Variants in TRIM29 observed in about 807,000 individuals in gnomAD.
TRIM29 encodes the protein tripartite motif containing 29.
In TRIM29, 52 loss-of-function variants were observed where a neutral mutation model predicts 57.3. The ratio of observed to expected loss-of-function variants is 0.91; its 90% CI spans 0.73 to 1.14. TRIM29 has a LOEUF of 1.14. Ranked by LOEUF, TRIM29 falls within the 50% of genes most tolerant of loss-of-function variation. The probability of loss-of-function intolerance (pLI) is 0.00; values close to 1 mark genes in which losing one functional copy is unlikely to be tolerated. For synonymous variants in TRIM29, 319 were observed against 316.9 expected (o/e 1.01, Z -0.07); for missense variants, 753 against 774.6 (o/e 0.97, Z 0.33).
intron 8 of TRIM29, among the ~76,000 whole-genome samples, chr11:120,114,126 C>T (rs1863207196): frequency 6.6e-6 from 1 of 152,152 alleles, no homozygotes; most frequent in Admixed American, 6.5e-5. Context: ...CAGCCCAGCG[C>T]CTGTCTCCAC....
chr11:120,131,021 TG>T (rs1863712333), intron 1 of TRIM29, among the ~76,000 whole-genome samples: 1 of 152,076 alleles, frequency 6.6e-6, no homozygotes. Context: ...GCGTAGCTCA[TG>T]GATAATTGAA....
At chr11:120,116,227 T>C (rs1346115022) in intron 7 of TRIM29, 5 of 152,228 alleles carry the variant, frequency 3.3e-5, no homozygotes, top group Non-Finnish European at 7.3e-5. Context: ...GATGCTAGTC[T>C]AAGACGGGGC....
intron 5 of TRIM29, among the ~76,000 whole-genome samples, chr11:120,122,499 C>A (rs560645618): frequency 6.6e-6 from 1 of 152,134 alleles, no homozygotes; most frequent in Non-Finnish European, 1.5e-5. Flanking sequence ...AGAGGAGGGA[C>A]CACTCTCCCT....
chr11:120,116,256 C>T (rs1591317693), intron 7 of TRIM29: 1 of 152,316 alleles, frequency 6.6e-6, no homozygotes, highest in East Asian at 1.9e-4. Flanking sequence ...CTCCCTGCGC[C>T]TCAGCCCAGA....
chr11:120,113,125 G>A (rs896659814), intron 8 of TRIM29, among the ~76,000 whole-genome samples: 1 of 152,006 alleles, frequency 6.6e-6, no homozygotes, highest in African/African-American at 2.4e-5. Context: ...TTACAGAAAG[G>A]GTGCAGAGAG....
At position 120,125,821 on chromosome 11, in the gene TRIM29, C is replaced by G. The variant is rs1054228256; in HGVS notation, c.1203G>C (p.Glu401Asp). The G allele has an allele frequency of 1.9e-6, 3 of 1,614,200 alleles. No individual in the cohort carries two copies. Among genetic ancestry groups the G allele is most frequent in the South Asian group, 2.2e-5 (2 of 91,072 alleles). The change falls in exon 4 of 9, where the codon GAG becomes GAC. Residue 401 changes from glutamate to aspartate, a missense_variant. Physicochemically the swap from Glu to Asp is conservative, Grantham distance 45. Transcript: ENST00000341846. ...CTAGTGACTGTCCCAGGCCCTCCCCCTCCAGCAGGACATGATAGGTGGGCA... is the reference window on the plus strand; with the variant it reads ...CTAGTGACTGTCCCAGGCCCTCCCCGTCCAGCAGGACATGATAGGTGGGCA... ...PPLPTYHVLL[E>D]GEGLGQSLGN... is the part of the protein sequence containing the mutation.
chr11:120,122,115 TC>T (rs1863464355), intron 5 of TRIM29: 5 of 365,994 alleles, frequency 1.4e-5, no homozygotes, highest in Non-Finnish European at 2.8e-5. Context: ...CCCAAGCCTC[TC>T]CCATTGTGTG....
intron 4 of TRIM29, chr11:120,123,536 A>T: frequency 4.5e-6 from 2 of 441,654 alleles, no homozygotes; most frequent in South Asian, 3.3e-5. Flanking sequence ...CTGGCAGCCT[A>T]AGGTGAGGGG....
intron 6 of TRIM29, 64 bp from the exon 7 acceptor site, chr11:120,118,385 G>C: frequency 2.3e-6 from 3 of 1,321,838 alleles, no homozygotes; most frequent in South Asian, 1.4e-5. Flanking sequence ...GGCAGGACCA[G>C]GACACAGCCA....
chr11:120,120,622 G>A lies in TRIM29; in HGVS notation c.1479C>T (p.Phe493=), dbSNP rs1235121725. The A allele has an allele frequency of 9.9e-6, 16 of 1,613,752 alleles. No individual in the cohort carries two copies. Among genetic ancestry groups the A allele is most frequent in the Admixed American group, 3.3e-5 (2 of 59,972 alleles). Residue 493 remains phenylalanine (F), a synonymous_variant, in exon 6 of 9, where the codon TTC becomes TTT. Transcript: ENST00000341846. ...TSYQPSSPGR[F]TKETTQKNFN... is the part of the protein sequence containing the mutation. ...AATTCTTCTGGGTGGTCTCCTTGGT[G>A]AAGCGGCCAGGAGACGAGGGCTGGT...
At chr11:120,128,847 G>T in intron 1 of TRIM29, 2 of 1,501,498 alleles carry the variant, frequency 1.3e-6, no homozygotes, top group Admixed American at 2.0e-5. Context: ...GTGGACCTGG[G>T]GACAATGGGA....
chr11:120,123,278 T>C, intron 4 of TRIM29: 1 of 686,786 alleles, frequency 1.5e-6, no homozygotes, highest in Non-Finnish European at 2.7e-6. Context: ...ATCCACCCTC[T>C]TGAACTAAGC....
chr11:120,126,618 G>A lies in TRIM29; in HGVS notation c.1134+718C>T, dbSNP rs186910186. On this transcript the variant is annotated intron_variant, in intron 3 of 8. Transcript: ENST00000341846. ...CTTCTCATTTCCCTTACTCCTCACC[G>A]AAGACTCTGTCCTCCCTCTCAAATC... 3.8e-3 allele frequency among the ~76,000 whole-genome samples: 573 copies of A among 152,040 alleles called. 2 individuals are homozygous for A. The highest frequency in any genetic ancestry group is 6.9e-3 in the Non-Finnish European group (466 of 67,976).
rs12224041 is a variant in TRIM29 at position 120,128,567 on chromosome 11, G to A, written c.805-72C>T. On this transcript the variant is annotated intron_variant, in intron 1 of 8. Transcript: ENST00000341846. ...AAGAGAACCAGAGAACCAGGGAGCGGCTCCACTCAGGGGGCACACTCGCAG... is the reference window on the plus strand; with the variant it reads ...AAGAGAACCAGAGAACCAGGGAGCGACTCCACTCAGGGGGCACACTCGCAG... The A allele has an allele frequency of 0.013, 19,546 of 1,533,508 alleles. 892 individuals carry two copies. In the East Asian group the frequency reaches 0.16, roughly 12 times the overall value. The allele number at this position is 1,533,508 out of a possible 1,614,324, so 95.0% of individuals were successfully genotyped here.
intron 5 of TRIM29, 24 bp downstream of exon 5, chr11:120,122,930 C>T: frequency 6.2e-7 from 1 of 1,607,558 alleles, no homozygotes; most frequent in Non-Finnish European, 8.5e-7. Flanking sequence ...GACACTAGGT[C>T]TGGGGTGAGG....
At position 120,137,617 on chromosome 11, in the gene TRIM29, T is replaced by G. The variant is rs781176832; in HGVS notation, c.415A>C (p.Thr139Pro). 6.2e-7 allele frequency: 1 copy of G among 1,613,492 alleles called. No homozygotes were observed. Among genetic ancestry groups the G allele is most frequent in the South Asian group, 1.1e-5 (1 of 91,054 alleles). ...TCCCCGGGCTCCATGATGGACACCGTGGGCTTCCGGGACTCCGAGAAAATG... is the reference window on the plus strand; with the variant it reads ...TCCCCGGGCTCCATGATGGACACCGGGGGCTTCCGGGACTCCGAGAAAATG... ...KSIFSESRKP[T>P]VSIMEPGETR... The change falls in exon 1 of 9, where the codon ACG becomes CCG. Residue 139 changes from threonine (T) to proline (P), a missense_variant. Physicochemically the swap from Thr to Pro is conservative, Grantham distance 38. Coordinates refer to ENST00000341846, the MANE Select transcript of TRIM29 (RefSeq NM_012101.4). This position sits in a 1 kb window ranked among gnomAD's most constrained non-coding sequence, Gnocchi z 6.2.
intron 1 of TRIM29, among the ~76,000 whole-genome samples, chr11:120,130,795 T>C (rs2135024298): frequency 6.6e-6 from 1 of 152,256 alleles, no homozygotes; most frequent in Non-Finnish European, 1.5e-5. Flanking sequence ...GAGCAGTGTG[T>C]GCAGCATGGT....
rs568801594 is a variant in TRIM29, at chr11:120,125,988, C to T, written c.1135-99G>A. 27 of 1,188,412 alleles carry T rather than the reference C, an allele frequency of 2.3e-5. No homozygotes were observed. The Admixed American group carries it at 3.3e-4, about 15-fold the overall frequency. 73.6% of individuals were successfully genotyped at this position (1,188,412 alleles called of 1,614,324 possible). On this transcript the variant is annotated intron_variant, in intron 3 of 8. Coordinates refer to ENST00000341846, the MANE Select transcript of TRIM29 (RefSeq NM_012101.4). Reference sequence around the variant, plus strand: ...CTCACAGTGCAGCTGGGGGTCTCAGCGCTGCAAGCCCCACTCTTCCTCACT... The same window carrying T: ...CTCACAGTGCAGCTGGGGGTCTCAGTGCTGCAAGCCCCACTCTTCCTCACT...
intron 7 of TRIM29, chr11:120,117,988 G>A: frequency 1.8e-6 from 1 of 558,310 alleles, no homozygotes; most frequent in Non-Finnish European, 3.2e-6. Flanking sequence ...GCAGCGTGTA[G>A]TTAGAGACTA....
Sources: gnomAD v4.1 joint callset for allele counts (sites outside exome capture counted in the v4.1 genomes callset) on GRCh38, gnomAD v4.1.1 for gene constraint, Gnocchi (gnomAD v3.1) non-coding constraint, MANE v1.5 for transcripts, NCBI Gene and HGNC (gene_info 2026-07-23, HGNC 2026-07-21) for gene names.